RSBN1L: variants seen among roughly 807,000 people sequenced by gnomAD.
RSBN1L encodes lysine-specific demethylase RSBN1L.
In RSBN1L, 30 loss-of-function variants were observed where a neutral mutation model predicts 67.7. The observed-to-expected ratio is 0.44, with a 90% CI of 0.33 to 0.60. The LOEUF (loss-of-function observed/expected upper bound fraction) is 0.60. Among genes scored for constraint, RSBN1L ranks in the 20% least tolerant of loss-of-function variants. The pLI is 0.02. For missense variants in RSBN1L, 992 were observed against 1,031.7 expected (o/e 0.96, Z 0.53); for synonymous variants, 433 against 387.0 (o/e 1.12, Z -1.39).
rs183408359 is a variant in RSBN1L, at chr7:77,750,136, T to C, written c.1344+72T>C. 3,551 of 873,396 alleles carry C rather than the reference T, an allele frequency of 4.1e-3. 9 individuals are homozygous for C. The highest frequency in any genetic ancestry group is 5.2e-3 in the Non-Finnish European group (3,188 of 617,148). 54.1% of individuals were successfully genotyped at this position (873,396 alleles called of 1,614,324 possible). ...TAGATGAGTTTCTGTTTTTTGTTCCTAATTATAGGGCTGAAATAAAAAGGT... is the reference window on the plus strand; with the variant it reads ...TAGATGAGTTTCTGTTTTTTGTTCCCAATTATAGGGCTGAAATAAAAAGGT... On this transcript the variant is annotated intron_variant, in intron 3 of 7. Transcript: ENST00000334955.
chr7:77,708,672 G>A (rs1331905926), intron 1 of RSBN1L, among the ~76,000 whole-genome samples: 2 of 151,834 alleles, frequency 1.3e-5, no homozygotes, highest in Admixed American at 6.6e-5. Flanking sequence ...GTGAGCCACC[G>A]CGCCCAGCCG....
In RSBN1L at chr7:77,765,460, G is replaced by A. The variant is rs184779715; in HGVS notation, c.1345-35G>A. 21 of 1,470,690 alleles carry A rather than the reference G, an allele frequency of 1.4e-5. No individual in the cohort carries two copies. In the Admixed American group the frequency reaches 2.5e-4, roughly 18 times the overall value. 91.1% of individuals were successfully genotyped at this position (1,470,690 alleles called of 1,614,324 possible). ...TCCATATTCTTCAGGTAAAAAGAAC[G>A]TATTTAACTTTTAATTAAATCCATG... On this transcript the variant is annotated intron_variant, in intron 3 of 7. Transcript: ENST00000334955.
In RSBN1L at chr7:77,778,801, A is replaced by T; in HGVS notation, c.2174A>T (p.Asn725Ile). The change falls in exon 8 of 8, where the codon AAC (asparagine) becomes ATC (isoleucine). Residue 725 changes from asparagine to isoleucine, a missense_variant. Transcript: ENST00000334955. Reference sequence around the variant, plus strand: ...TCTGTTCTTGGACCTCACACTGACAACATGATTTGTGCTGTAAGCAAAGCC... The same window carrying T: ...TCTGTTCTTGGACCTCACACTGACATCATGATTTGTGCTGTAAGCAAAGCC... ...TSSVLGPHTD[N>I]MICAVSKASL... The T allele has an allele frequency of 1.2e-6, 2 of 1,614,150 alleles. No homozygotes were observed. The highest frequency in any genetic ancestry group is 1.7e-6 in the Non-Finnish European group (2 of 1,180,004).
intron 3 of RSBN1L, among the ~76,000 whole-genome samples, chr7:77,763,521 A>G (rs529466558): frequency 6.6e-6 from 1 of 152,318 alleles, no homozygotes; most frequent in East Asian, 1.9e-4. Context: ...AGAGGTGCAT[A>G]GACTGAATTT....
At chr7:77,777,628 A>G (rs924910823) in intron 6 of RSBN1L, among the ~76,000 whole-genome samples, 1 of 151,996 alleles carries the variant, frequency 6.6e-6, no homozygotes, top group African/African-American at 2.4e-5. Flanking sequence ...AATGTATTAC[A>G]TGATTCTCAG....
At chr7:77,727,378 C>T (rs111802587) in intron 1 of RSBN1L, among the ~76,000 whole-genome samples, 18 of 152,356 alleles carry the variant, frequency 1.2e-4, no homozygotes, top group South Asian at 2.1e-4. Flanking sequence ...TGAGCCACCA[C>T]GCCCAGCCCC....
At chr7:77,743,185 C>G (rs887876708) in intron 2 of RSBN1L, among the ~76,000 whole-genome samples, 24 of 152,208 alleles carry the variant, frequency 1.6e-4, no homozygotes, top group African/African-American at 5.5e-4. Flanking sequence ...TCCTGAGTAG[C>G]TGGGAATACA....
intron 2 of RSBN1L, among the ~76,000 whole-genome samples, chr7:77,744,971 C>T (rs1448891486): frequency 1.3e-5 from 2 of 152,090 alleles, no homozygotes; most frequent in African/African-American, 2.4e-5. Context: ...TGTGCAAAAG[C>T]TTGACTGAGG....
rs781683564 is a variant in RSBN1L at position 77,778,887 on chromosome 7, C to T, written c.2260C>T (p.His754Tyr). Residue 754 changes from histidine to tyrosine, a missense_variant, in exon 8 of 8, where the codon CAT (histidine) becomes TAT (tyrosine). Physicochemically the swap from His to Tyr is moderately conservative, Grantham distance 83. Transcript: ENST00000334955. ...HSKYELQQIK[H>Y]EPIASVRIKE... The stretch of plus-strand genomic sequence containing the variant: ...TAAATATGAATTACAGCAGATTAAA[C>T]ATGAACCTATTGCATCTGTAAGAAT... 3 of 1,613,864 alleles carry T rather than the reference C, an allele frequency of 1.9e-6. No individual in the cohort carries two copies. In the African/African-American group the frequency reaches 4.0e-5, roughly 22 times the overall value.
At chr7:77,761,259 C>G (rs182202762) in intron 3 of RSBN1L, among the ~76,000 whole-genome samples, 157 of 152,230 alleles carry the variant, frequency 1.0e-3, no homozygotes, top group African/African-American at 3.7e-3. Flanking sequence ...TCCTTCCTTC[C>G]CCTTCTAAAT....
At chr7:77,697,091 C>A in intron 1 of RSBN1L, 36 bp downstream of exon 1, 1 of 1,333,542 alleles carries the variant, frequency 7.5e-7, no homozygotes, top group Non-Finnish European at 9.6e-7. Flanking sequence ...GGGAGGGCGC[C>A]GTGGGTCCCC....
intron 2 of RSBN1L, among the ~76,000 whole-genome samples, chr7:77,742,224 G>A (rs1484352754): frequency 9.6e-6 from 1 of 104,526 alleles, no homozygotes; most frequent in African/African-American, 3.8e-5. Flanking sequence ...CACACGGCAA[G>A]AATCCATCTT....
intron 5 of RSBN1L, among the ~76,000 whole-genome samples, chr7:77,769,075 A>G (rs889947462): frequency 2.6e-5 from 4 of 152,244 alleles, no homozygotes; most frequent in African/African-American, 9.6e-5. Context: ...TAATATTCAG[A>G]ACCTATACTA....
At chr7:77,697,312 C>T (rs1245098261) in intron 1 of RSBN1L, 1 of 359,480 alleles carries the variant, frequency 2.8e-6, no homozygotes, top group Non-Finnish European at 4.9e-6. Context: ...TAGTGCGCTG[C>T]AGGATTTGTG....
intron 3 of RSBN1L, among the ~76,000 whole-genome samples, chr7:77,760,232 ATTAGT>A (rs2150429686): frequency 6.6e-6 from 1 of 152,316 alleles, no homozygotes; most frequent in East Asian, 1.9e-4. Context: ...TAAGTCGAAT[ATTAGT>A]TTAAACAATT....
At chr7:77,778,178 T>C (rs1791944097) in intron 6 of RSBN1L, among the ~76,000 whole-genome samples, 160 bp from the exon 7 acceptor site, 1 of 152,222 alleles carries the variant, frequency 6.6e-6, no homozygotes, top group Non-Finnish European at 1.5e-5. Flanking sequence ...GTTGGCCCTT[T>C]CTTTAAATAT....
chr7:77,745,626 T>C (rs1791472445), intron 2 of RSBN1L, among the ~76,000 whole-genome samples: 1 of 152,116 alleles, frequency 6.6e-6, no homozygotes. Context: ...AATGCAGTGG[T>C]CCCCAACCTT....
intron 1 of RSBN1L, among the ~76,000 whole-genome samples, chr7:77,722,411 T>C (rs1202195125): frequency 6.6e-6 from 1 of 152,172 alleles, no homozygotes; most frequent in Non-Finnish European, 1.5e-5. Flanking sequence ...TAGTACAGTT[T>C]CAGTGAAACT....
At chr7:77,699,899 C>G (rs1414499885) in intron 1 of RSBN1L, among the ~76,000 whole-genome samples, 1 of 151,650 alleles carries the variant, frequency 6.6e-6, no homozygotes, top group African/African-American at 2.4e-5. Context: ...CGGGTTCAAG[C>G]AATTCTCCTG....
Sources: allele counts gnomAD v4.1 joint callset (sites outside exome capture counted in the v4.1 genomes callset), GRCh38; gene constraint gnomAD v4.1.1; transcripts MANE v1.5; gene names NCBI Gene and HGNC (gene_info 2026-07-23, HGNC 2026-07-21).